The following PIEZO2 variants were observed in gnomAD, a reference collection of about 807,000 sequenced individuals.
The protein encoded by PIEZO2 is piezo type mechanosensitive ion channel component 2, also known as piezo-type mechanosensitive ion channel component 2.
PIEZO2 carries 172 observed loss-of-function variants against 337.3 expected under a neutral mutation model. That is an observed-to-expected ratio of 0.51 (90% confidence interval 0.45 to 0.58). The LOEUF is 0.58. PIEZO2 is among the 20% of genes least tolerant of loss of function. PIEZO2 has a pLI of 0.00. For synonymous variants in PIEZO2, 1,251 were observed against 1,228.5 expected (o/e 1.02, Z -0.38); for missense variants, 3,028 against 3,391.3 (o/e 0.89, Z 2.66).
chr18:10,999,552 ATTAT>A (rs1368987066), intron 2 of PIEZO2, among the ~76,000 whole-genome samples: 2 of 152,126 alleles, frequency 1.3e-5, no homozygotes, highest in African/African-American at 2.4e-5. Context: ...TAATCTAGAG[ATTAT>A]TTAAAACATA....
chr18:10,773,520 C>A lies in PIEZO2; in HGVS notation c.2677G>T (p.Glu893Ter). 6.5e-7 allele frequency: 1 copy of A among 1,537,454 alleles called. No individual in the cohort carries two copies. Among genetic ancestry groups the A allele is most frequent in the Non-Finnish European group, 8.7e-7 (1 of 1,146,970 alleles). Residue 893 changes from glutamate (E) to a stop codon, truncating the protein, a stop_gained, in exon 20 of 56, where the codon GAG becomes TAG. Coordinates refer to ENST00000674853, the MANE Select transcript of PIEZO2 (RefSeq NM_001378183.1). LOFTEE classifies it high-confidence loss of function. The surrounding 1 kb of genome is among the most constrained non-coding windows in gnomAD (Gnocchi z 5.3). ...KLAEPGEEKL[E>*]GYSEKAQKGD... Reference sequence around the variant, plus strand: ...TTCTGGGCTTTTTCAGAGTAGCCCTCAAGCTTCTCCTCCCCAGGCTCAGCC... The same window carrying A: ...TTCTGGGCTTTTTCAGAGTAGCCCTAAAGCTTCTCCTCCCCAGGCTCAGCC...
At chr18:11,010,446 T>C (rs2035857544) in intron 2 of PIEZO2, among the ~76,000 whole-genome samples, 1 of 152,054 alleles carries the variant, frequency 6.6e-6, no homozygotes, top group Non-Finnish European at 1.5e-5. Context: ...CACAATCCTC[T>C]AAGAGCCAAG....
intron 2 of PIEZO2, among the ~76,000 whole-genome samples, chr18:11,022,617 T>TG (rs1057060393): frequency 3.3e-5 from 5 of 152,214 alleles, no homozygotes; most frequent in African/African-American, 1.2e-4. Context: ...TCTATGCTTA[T>TG]GGCTTCAGGT....
Position 11,033,922 on chromosome 18 carries a change from C to T in PIEZO2, c.160+32205G>A, listed in dbSNP as rs1382972490. Among the ~76,000 whole-genome samples the T allele has an allele frequency of 6.6e-6, 1 of 152,018 alleles. No individual in the cohort carries two copies. The highest frequency in any genetic ancestry group is 1.5e-5 in the Non-Finnish European group (1 of 68,016). ...CAGACTTTACCGGGTTGGTTTATAA[C>T]TTTAATACCTGAAAAACTTATACGA... On this transcript the variant is annotated intron_variant, in intron 2 of 55. Coordinates refer to ENST00000674853, the MANE Select transcript of PIEZO2 (RefSeq NM_001378183.1). The surrounding 1 kb of genome is among the most constrained non-coding windows in gnomAD (Gnocchi z 4.2).
chr18:11,133,797 T>C (rs917983922), intron 1 of PIEZO2, among the ~76,000 whole-genome samples: 3 of 140,074 alleles, frequency 2.1e-5, no homozygotes, highest in African/African-American at 7.4e-5. Context: ...CCTCTCTCTA[T>C]ATATATGTGT....
At position 10,673,703 on chromosome 18, in the gene PIEZO2, A is replaced by G. The variant is rs1418868186; in HGVS notation, c.8162-830T>C. Among the ~76,000 whole-genome samples the G allele has an allele frequency of 6.6e-6, 1 of 152,212 alleles. No individual in the cohort carries two copies. The highest frequency in any genetic ancestry group is 1.5e-5 in the Non-Finnish European group (1 of 68,044). ...TTCTAAGAAGATTCCACTCCTGCCAATGATACTGGTGCTTCCCCTGAGAAA... is the reference window on the plus strand; with the variant it reads ...TTCTAAGAAGATTCCACTCCTGCCAGTGATACTGGTGCTTCCCCTGAGAAA... On this transcript the variant is annotated intron_variant, in intron 54 of 55. Coordinates refer to ENST00000674853, the MANE Select transcript of PIEZO2 (RefSeq NM_001378183.1). This position sits in a 1 kb window ranked among gnomAD's most constrained non-coding sequence, Gnocchi z 4.8.
At position 10,795,363 on chromosome 18, in the gene PIEZO2, T is replaced by C. The variant is rs149641486; in HGVS notation, c.1528-361A>G. 0.048 allele frequency among the ~76,000 whole-genome samples: 2,340 copies of C among 49,006 alleles called. 130 individuals carry two copies. The highest frequency in any genetic ancestry group is 0.12 in the African/African-American group (2,203 of 18,030). 32.1% of individuals were successfully genotyped at this position (49,006 alleles called of 152,430 possible). ...TTTATTTTATTTTATTATTTTATTT[T>C]ATTTTATTTTATTTTATTTTATTTT... On this transcript the variant is annotated intron_variant, in intron 12 of 55. Transcript: ENST00000674853. The surrounding 1 kb of genome is among the most constrained non-coding windows in gnomAD (Gnocchi z 4.4).
chr18:10,862,908 G>T lies in PIEZO2; in HGVS notation c.493-5697C>A, dbSNP rs1260788307. On this transcript the variant is annotated intron_variant, in intron 5 of 55. Transcript: ENST00000674853. This position sits in a 1 kb window ranked among gnomAD's most constrained non-coding sequence, Gnocchi z 4.4. ...AGCAGACTCCCTTATTTGGAAAATAGATTGAAATAAATTATCTCTGGAACC... is the reference window on the plus strand; with the variant it reads ...AGCAGACTCCCTTATTTGGAAAATATATTGAAATAAATTATCTCTGGAACC... Among the ~76,000 whole-genome samples, 1 of 152,144 alleles carries T rather than the reference G, an allele frequency of 6.6e-6. No homozygotes were observed. Among genetic ancestry groups the T allele is most frequent in the Non-Finnish European group, 1.5e-5 (1 of 68,032 alleles).
Position 11,149,349 on chromosome 18 carries a change from CCTCA to C in PIEZO2, c.-765_-762del, listed in dbSNP as rs1209378667. ...GCGCGGGCGGCGCTGCGAGTCCCTC[CCTCA>C]CTCGAAGGAACGGCGCGAGCGTGGG... On this transcript the variant is annotated 5_prime_UTR_variant, in exon 1 of 56. It removes the in-frame stop codon of an upstream open reading frame in the 5' UTR. Coordinates refer to ENST00000674853, the MANE Select transcript of PIEZO2 (RefSeq NM_001378183.1). This position sits in a 1 kb window ranked among gnomAD's most constrained non-coding sequence, Gnocchi z 8.7. Among the ~76,000 whole-genome samples the C allele has an allele frequency of 6.6e-6, 1 of 152,112 alleles. No individual in the cohort carries two copies. Among genetic ancestry groups the C allele is most frequent in the African/African-American group, 2.4e-5 (1 of 41,446 alleles).
Position 11,127,926 on chromosome 18 carries a change from G to A in PIEZO2, c.64+20599C>T, listed in dbSNP as rs532366410. ...ATATTAAGGATGGAGTTCTTTCGTT[G>A]GTTTTGGGGTTTCTGGAGTTGGCTG... On this transcript the variant is annotated intron_variant, in intron 1 of 55. Coordinates refer to ENST00000674853, the MANE Select transcript of PIEZO2 (RefSeq NM_001378183.1). This position sits in a 1 kb window ranked among gnomAD's most constrained non-coding sequence, Gnocchi z 4.5. Among the ~76,000 whole-genome samples the A allele has an allele frequency of 2.6e-5, 4 of 151,644 alleles. No individual in the cohort carries two copies. Among genetic ancestry groups the A allele is most frequent in the Admixed American group, 2.0e-4 (3 of 15,206 alleles).
chr18:11,103,631 C>T (rs1568375932), intron 1 of PIEZO2, among the ~76,000 whole-genome samples: 1 of 152,142 alleles, frequency 6.6e-6, no homozygotes, highest in African/African-American at 2.4e-5. Context: ...CCACTGTGAC[C>T]ATAATCAGTG....
chr18:11,077,646 G>A lies in PIEZO2; in HGVS notation c.65-11424C>T, dbSNP rs1340861362. ...GCTGTGATCGCACCACTGCACTCCA[G>A]CCTGTTTCAGAAGTTCTCTCTTTAT... is the stretch of plus-strand genomic sequence containing the variant. On this transcript the variant is annotated intron_variant, in intron 1 of 55. Transcript: ENST00000674853. This position sits in a 1 kb window ranked among gnomAD's most constrained non-coding sequence, Gnocchi z 4.8. 1.3e-5 allele frequency among the ~76,000 whole-genome samples: 2 copies of A among 152,286 alleles called. No homozygotes were observed. Among genetic ancestry groups the A allele is most frequent in the African/African-American group, 2.4e-5 (1 of 41,570 alleles).
At position 10,750,174 on chromosome 18, in the gene PIEZO2, C is replaced by A. The variant is rs1171047735; in HGVS notation, c.4181G>T (p.Gly1394Val). ...ATTGTGCACCAATGTTCCAATGTAT[C>A]CACATGCTCCTATCTGAAAAACAAA... The part of the protein sequence containing the change: ...MKNILSIGAC[G>V]YIGTLVHNSC... The change falls in exon 29 of 56, where the codon GGA (glycine) becomes GTA (valine). Residue 1394 changes from glycine (G) to valine (V), a missense_variant. Gly to Val is a moderately radical substitution (Grantham distance 109). Transcript: ENST00000674853. This position sits in a 1 kb window ranked among gnomAD's most constrained non-coding sequence, Gnocchi z 4.1. 2 of 1,536,614 alleles carry A rather than the reference C, an allele frequency of 1.3e-6. No individual in the cohort carries two copies. The highest frequency in any genetic ancestry group is 1.7e-6 in the Non-Finnish European group (2 of 1,146,510).
At chr18:10,987,055 A>G (rs554693968) in intron 2 of PIEZO2, among the ~76,000 whole-genome samples, 4 of 152,160 alleles carry the variant, frequency 2.6e-5, no homozygotes, top group Non-Finnish European at 5.9e-5. Flanking sequence ...AAGAAATTAA[A>G]ACAAATACAA....
In PIEZO2 at chr18:10,979,033, A is replaced by C. The variant is rs1475446999; in HGVS notation, c.286+502T>G. The stretch of plus-strand genomic sequence containing the variant: ...TTCCCTATAAATACTAATAAAAAAA[A>C]CCTTCCAATTCAGAAAAGAAACTAC... On this transcript the variant is annotated intron_variant, in intron 3 of 55. Coordinates refer to ENST00000674853, the MANE Select transcript of PIEZO2 (RefSeq NM_001378183.1). This position sits in a 1 kb window ranked among gnomAD's most constrained non-coding sequence, Gnocchi z 4.0. Among the ~76,000 whole-genome samples, 1 of 152,150 alleles carries C rather than the reference A, an allele frequency of 6.6e-6. No individual in the cohort carries two copies. The highest frequency in any genetic ancestry group is 1.5e-5 in the Non-Finnish European group (1 of 68,038).
chr18:10,932,976 T>C (rs1427446292), intron 3 of PIEZO2, among the ~76,000 whole-genome samples: 1 of 151,478 alleles, frequency 6.6e-6, no homozygotes, highest in Non-Finnish European at 1.5e-5. Context: ...ACACTCTAAG[T>C]TGCAAAGGGA....
intron 1 of PIEZO2, among the ~76,000 whole-genome samples, chr18:11,115,715 C>G (rs528999596): frequency 3.9e-5 from 6 of 152,090 alleles, no homozygotes; most frequent in Non-Finnish European, 8.8e-5. Context: ...CTATGTTTAT[C>G]TGAAATTCAG....
chr18:11,068,576 T>TA (rs892412697), intron 1 of PIEZO2, among the ~76,000 whole-genome samples: 20 of 149,030 alleles, frequency 1.3e-4, no homozygotes, highest in African/African-American at 3.9e-4. Context: ...AATGCTTACA[T>TA]AAAAAAAAAG....
rs1487138459 is a variant in PIEZO2 at position 10,727,645 on chromosome 18, CACAT to C, written c.5029+3758_5029+3761del. The C allele has an allele frequency of 6.6e-6, 1 of 152,440 alleles. No individual in the cohort carries two copies. Among genetic ancestry groups the C allele is most frequent in the Non-Finnish European group, 1.5e-5 (1 of 68,304 alleles). The allele number at this position is 152,440 out of a possible 1,614,324, so 9.4% of individuals were successfully genotyped here. A position where few individuals can be genotyped will look rare whatever the true frequency, so the allele number is the denominator to read the frequency against. On this transcript the variant is annotated intron_variant, in intron 36 of 55. Coordinates refer to ENST00000674853, the MANE Select transcript of PIEZO2 (RefSeq NM_001378183.1). This position sits in a 1 kb window ranked among gnomAD's most constrained non-coding sequence, Gnocchi z 6.3. ...CCCATTACACGCACACACACACACA[CACAT>C]ACAGAGTGATTCAGGCCTTGTGAAT... is the stretch of plus-strand genomic sequence containing the variant.
Sources: gnomAD v4.1 joint callset for allele counts (sites outside exome capture counted in the v4.1 genomes callset) on GRCh38, gnomAD v4.1.1 for gene constraint, Gnocchi (gnomAD v3.1) non-coding constraint, MANE v1.5 for transcripts, NCBI Gene and HGNC (gene_info 2026-07-23, HGNC 2026-07-21) for gene names.